SHB: variants seen among roughly 807,000 people sequenced by gnomAD.
SHB encodes SH2 domain containing adaptor protein B.
Under a neutral mutation model 52.3 loss-of-function variants are expected in SHB, and 20 were observed. The ratio of observed to expected loss-of-function variants is 0.38; its 90% confidence interval spans 0.27 to 0.56. The LOEUF is 0.56. Among genes scored for constraint, SHB ranks in the 20% least tolerant of loss-of-function variants. The probability of loss-of-function intolerance (pLI) is 0.71; values close to 1 mark genes in which losing one functional copy is unlikely to be tolerated. For synonymous variants in SHB, 397 were observed against 316.5 expected (o/e 1.25, Z -2.70); for missense variants, 825 against 723.3 (o/e 1.14, Z -1.61).
chr9:38,068,670 G>T lies in SHB; in HGVS notation c.-25C>A. On this transcript the variant is annotated 5_prime_UTR_variant, in exon 1 of 6. Coordinates refer to ENST00000377707, the MANE Select transcript of SHB (RefSeq NM_003028.3). ...TGGCGAGAGGCCGCCTAGGGCCGCG[G>T]CGCGGGAGCCCGGTCCGCCGCCGCG... 7.7e-7 allele frequency: 1 copy of T among 1,305,934 alleles called. No homozygotes were observed. Among genetic ancestry groups the T allele is most frequent in the South Asian group, 2.3e-5 (1 of 43,370 alleles). The allele number at this position is 1,305,934 out of a possible 1,614,324, so 80.9% of individuals were successfully genotyped here.
At chr9:38,024,513 A>C (rs539694520) in intron 1 of SHB, among the ~76,000 whole-genome samples, 23 of 152,100 alleles carry the variant, frequency 1.5e-4, no homozygotes, top group Non-Finnish European at 2.8e-4. Context: ...GCTCCTCTCA[A>C]GCCTGCTTGC....
In SHB at chr9:37,936,506, C is replaced by T. The variant is rs12002323; in HGVS notation, c.1346+12129G>A. Among the ~76,000 whole-genome samples the T allele has an allele frequency of 8.3e-3, 1,271 of 152,284 alleles. 16 individuals are homozygous for T. Among genetic ancestry groups the T allele is most frequent in the African/African-American group, 0.028 (1,146 of 41,550 alleles). ...TTTTCTCCCAAATATAATCTCCAAA[C>T]GTTTCCTGAGTACCTATCATGTGCC... On this transcript the variant is annotated intron_variant, in intron 5 of 5. Transcript: ENST00000377707.
chr9:37,999,786 G>C (rs77638371), intron 2 of SHB, among the ~76,000 whole-genome samples: 1,769 of 152,314 alleles, frequency 0.012, 26 homozygotes, highest in South Asian at 0.036. Context: ...GTCACCTTAG[G>C]ATCTGGCTGA....
intron 2 of SHB, among the ~76,000 whole-genome samples, chr9:37,993,324 C>T (rs767965343): frequency 6.6e-6 from 1 of 152,104 alleles, no homozygotes; most frequent in Non-Finnish European, 1.5e-5. Context: ...ACGAACTGAG[C>T]TAAAAATAAG....
At chr9:37,993,995 G>A (rs1009906311) in intron 2 of SHB, among the ~76,000 whole-genome samples, 7 of 152,240 alleles carry the variant, frequency 4.6e-5, no homozygotes, top group African/African-American at 1.2e-4. Flanking sequence ...GGCCCCAGCT[G>A]CTGCTGGGAG....
Position 38,068,442 on chromosome 9 carries a change from G to T in SHB, c.204C>A (p.Gly68=). 4 of 1,544,364 alleles carry T rather than the reference G, an allele frequency of 2.6e-6. No individual in the cohort carries two copies. Among genetic ancestry groups the T allele is most frequent in the Non-Finnish European group, 3.5e-6 (4 of 1,149,834 alleles). Residue 68 remains glycine, a synonymous_variant, in exon 1 of 6, where the codon GGC becomes GGA. Transcript: ENST00000377707. ...TGCTGCCGCTGTCGTCGGGCAGCGA[G>T]CCCGAAGAGGCTGAGAAGCAGGAGG... ...ATASCFSASS[G]SLPDDSGSTS...
At chr9:38,022,549 C>T (rs189600635) in intron 1 of SHB, among the ~76,000 whole-genome samples, 455 of 152,190 alleles carry the variant, frequency 3.0e-3, no homozygotes, top group African/African-American at 0.01. Context: ...CATTTGGGGA[C>T]GTGAGGCGGC....
At chr9:37,954,597 G>C (rs1436107961) in intron 4 of SHB, among the ~76,000 whole-genome samples, 1 of 152,170 alleles carries the variant, frequency 6.6e-6, no homozygotes, top group Non-Finnish European at 1.5e-5. Context: ...CTAGGCAATG[G>C]GCTGACAACC....
chr9:37,921,854 G>A (rs1832184367), intron 5 of SHB, among the ~76,000 whole-genome samples: 1 of 152,254 alleles, frequency 6.6e-6, no homozygotes, highest in Non-Finnish European at 1.5e-5. Context: ...GGCTGTGATT[G>A]CTTAAGTAAT....
rs187995916 is a variant in SHB, at chr9:37,962,279, A to T, written c.1055-6225T>A. Among the ~76,000 whole-genome samples, 406 of 152,268 alleles carry T rather than the reference A, an allele frequency of 2.7e-3. 5 individuals are homozygous for T. The highest frequency in any genetic ancestry group is 9.4e-3 in the African/African-American group (391 of 41,558). On this transcript the variant is annotated intron_variant, in intron 3 of 5. Transcript: ENST00000377707. ...TGACTCCTGCTGAAATTCCTGAGTG[A>T]GAAGCTCCAAGAAGATAGGGCATTT...
At chr9:37,974,917 A>C in intron 2 of SHB, 80 bp from the exon 3 acceptor site, 1 of 1,206,304 alleles carries the variant, frequency 8.3e-7, no homozygotes, top group Non-Finnish European at 1.2e-6. Context: ...AAACACCACA[A>C]ACTCAGAGCT....
chr9:37,997,203 G>C (rs1820957246), intron 2 of SHB, among the ~76,000 whole-genome samples: 1 of 152,182 alleles, frequency 6.6e-6, no homozygotes, highest in Admixed American at 6.5e-5. Flanking sequence ...AGCCATGCCG[G>C]CCACAGGCTG....
chr9:38,031,236 G>A (rs537066115), intron 1 of SHB, among the ~76,000 whole-genome samples: 31 of 152,236 alleles, frequency 2.0e-4, no homozygotes, highest in Admixed American at 1.6e-3. Flanking sequence ...CAGGAGAATC[G>A]CTTGAACCCG....
intron 2 of SHB, among the ~76,000 whole-genome samples, chr9:38,005,858 C>T (rs1468998711): frequency 6.6e-6 from 1 of 152,156 alleles, no homozygotes; most frequent in Non-Finnish European, 1.5e-5. Context: ...CTACTCCTCT[C>T]CCCAGACCAG....
chr9:38,064,308 C>G (rs1175184120), intron 1 of SHB, among the ~76,000 whole-genome samples: 3 of 152,182 alleles, frequency 2.0e-5, no homozygotes, highest in Non-Finnish European at 4.4e-5. Context: ...CCTGGCTCAA[C>G]AACCTTCAAG....
At chr9:38,043,818 G>A (rs1821611110) in intron 1 of SHB, among the ~76,000 whole-genome samples, 1 of 152,138 alleles carries the variant, frequency 6.6e-6, no homozygotes, top group African/African-American at 2.4e-5. Flanking sequence ...GAACCCGGGA[G>A]GTGGAGGTTG....
At chr9:38,056,054 T>C (rs771140091) in intron 1 of SHB, among the ~76,000 whole-genome samples, 16 of 152,196 alleles carry the variant, frequency 1.1e-4, no homozygotes, top group East Asian at 1.9e-4. Context: ...CAGAAGAAAG[T>C]TGTCATTTTA....
intron 3 of SHB, among the ~76,000 whole-genome samples, chr9:37,957,940 C>T (rs146360795): frequency 5.3e-5 from 8 of 152,274 alleles, no homozygotes; most frequent in African/African-American, 1.9e-4. Flanking sequence ...TAGAGTGAGA[C>T]ACAAAATGAT....
chr9:38,067,832 C>T (rs1821990205), intron 1 of SHB, 97 bp downstream of exon 1: 15 of 1,287,770 alleles, frequency 1.2e-5, no homozygotes, highest in Non-Finnish European at 1.4e-5. Flanking sequence ...TAGGCCGAAG[C>T]TGAAGTAGAG....
Sources: gnomAD v4.1 joint callset for allele counts (sites outside exome capture counted in the v4.1 genomes callset) on GRCh38, gnomAD v4.1.1 for gene constraint, MANE v1.5 for transcripts, NCBI Gene and HGNC (gene_info 2026-07-23, HGNC 2026-07-21) for gene names.